The following SOX5 variants were observed in gnomAD, a reference collection of about 807,000 sequenced individuals.
SOX5 encodes the protein transcription factor SOX-5.
Under a neutral mutation model 92.0 loss-of-function variants are expected in SOX5, and 9 were observed. The ratio of observed to expected loss-of-function variants is 0.10; its 90% CI spans 0.06 to 0.17. SOX5 has a LOEUF of 0.17. SOX5 is among the 10% of genes least tolerant of loss of function. SOX5 has a pLI of 1.00. For missense variants in SOX5, 642 were observed against 944.5 expected (o/e 0.68, Z 4.20); for synonymous variants, 344 against 336.3 (o/e 1.02, Z -0.25).
chr12:23,844,277 G>A (rs954700356), intron 3 of SOX5, among the ~76,000 whole-genome samples: 2 of 152,162 alleles, frequency 1.3e-5, no homozygotes, highest in African/African-American at 2.4e-5. Context: ...TTCAAAATCC[G>A]AAGTATGGTT....
intron 3 of SOX5, among the ~76,000 whole-genome samples, chr12:23,808,050 G>A (rs2095812385): frequency 6.6e-6 from 1 of 151,932 alleles, no homozygotes; most frequent in South Asian, 2.1e-4. Context: ...TATCTCAATA[G>A]TTACCAGAAT....
chr12:23,814,959 A>G (rs143334551), intron 3 of SOX5, among the ~76,000 whole-genome samples: 2 of 152,318 alleles, frequency 1.3e-5, no homozygotes, highest in African/African-American at 4.8e-5. Context: ...ATTTTGAAAT[A>G]TCTTATTGCC....
intron 4 of SOX5, among the ~76,000 whole-genome samples, chr12:23,993,756 T>C (rs536627321): frequency 1.3e-5 from 2 of 152,206 alleles, no homozygotes; most frequent in South Asian, 2.1e-4. Context: ...GGCTGGAGTG[T>C]CTCACACCTG....
At chr12:24,416,076 T>G (rs1964966093) in intron 1 of SOX5, among the ~76,000 whole-genome samples, 1 of 152,168 alleles carries the variant, frequency 6.6e-6, no homozygotes, top group African/African-American at 2.4e-5. Context: ...AGTGAGACAG[T>G]GGGTGGTCTC....
chr12:24,038,160 A>G (rs1467603118), intron 4 of SOX5, among the ~76,000 whole-genome samples: 1 of 152,140 alleles, frequency 6.6e-6, no homozygotes, highest in Non-Finnish European at 1.5e-5. Flanking sequence ...ATAGAGATAA[A>G]AGAGTCCCAA....
chr12:24,003,432 C>T (rs1294394036), intron 4 of SOX5, among the ~76,000 whole-genome samples: 2 of 151,760 alleles, frequency 1.3e-5, no homozygotes, highest in African/African-American at 2.4e-5. Context: ...ACAAAAACTG[C>T]AAAGCTGATG....
At chr12:24,410,504 G>A (rs1963880489) in intron 1 of SOX5, among the ~76,000 whole-genome samples, 1 of 152,112 alleles carries the variant, frequency 6.6e-6, no homozygotes, top group African/African-American at 2.4e-5. Flanking sequence ...GTAGGTCAAG[G>A]GTTTTTTTGT....
At chr12:23,845,581 G>A (rs1195896305) in intron 3 of SOX5, among the ~76,000 whole-genome samples, 1 of 151,922 alleles carries the variant, frequency 6.6e-6, no homozygotes, top group Non-Finnish European at 1.5e-5. Context: ...CAAGAAACAG[G>A]ATAAGATGTA....
intron 3 of SOX5, among the ~76,000 whole-genome samples, chr12:23,840,318 C>T (rs1485555773): frequency 1.3e-5 from 2 of 152,068 alleles, no homozygotes; most frequent in African/African-American, 4.8e-5. Context: ...CTACAAAACT[C>T]ACCAGGAATC....
intron 3 of SOX5, among the ~76,000 whole-genome samples, chr12:24,235,845 C>T (rs913709332): frequency 3.9e-5 from 6 of 151,978 alleles, no homozygotes; most frequent in Non-Finnish European, 7.4e-5. Flanking sequence ...AGTCAGAAGT[C>T]GGGAATTTGT....
At chr12:24,155,085 T>C (rs1413325612) in intron 4 of SOX5, among the ~76,000 whole-genome samples, 1 of 152,066 alleles carries the variant, frequency 6.6e-6, no homozygotes, top group Non-Finnish European at 1.5e-5. Flanking sequence ...ACAGGCATCA[T>C]CGTACGCTAA....
At chr12:24,107,752 T>A (rs1289478278) in intron 4 of SOX5, among the ~76,000 whole-genome samples, 1 of 152,172 alleles carries the variant, frequency 6.6e-6, no homozygotes, top group Non-Finnish European at 1.5e-5. Flanking sequence ...AAACAATCAA[T>A]GTGTTGATGC....
chr12:23,669,954 T>TA (rs2084486910), intron 6 of SOX5, among the ~76,000 whole-genome samples: 1 of 152,044 alleles, frequency 6.6e-6, no homozygotes, highest in South Asian at 2.1e-4. Flanking sequence ...TTAATGAGAA[T>TA]GGCCTAGACA....
chr12:24,272,625 A>G (rs540665439), intron 3 of SOX5, among the ~76,000 whole-genome samples: 6 of 152,352 alleles, frequency 3.9e-5, no homozygotes, highest in African/African-American at 1.4e-4. Context: ...TGAAATGATC[A>G]TATGACTGTT....
intron 8 of SOX5, among the ~76,000 whole-genome samples, chr12:23,610,678 T>C (rs2075843020): frequency 6.6e-6 from 1 of 152,096 alleles, no homozygotes; most frequent in Admixed American, 6.6e-5. Flanking sequence ...GAAAGGCTCA[T>C]TAGTAATATA....
At chr12:23,640,715 G>A (rs2079941735) in intron 8 of SOX5, 97 bp downstream of exon 8, 11 of 807,910 alleles carry the variant, frequency 1.4e-5, no homozygotes, top group East Asian at 2.5e-5. Flanking sequence ...AGTGTGAGAC[G>A]AATATCACGA....
At chr12:23,674,830 T>C (rs556255613) in intron 6 of SOX5, among the ~76,000 whole-genome samples, 2 of 151,970 alleles carry the variant, frequency 1.3e-5, no homozygotes, top group South Asian at 4.1e-4. Context: ...ATATATATAC[T>C]ACTATATATT....
chr12:24,355,894 T>C (rs776337989), intron 2 of SOX5, among the ~76,000 whole-genome samples: 1 of 152,234 alleles, frequency 6.6e-6, no homozygotes, highest in Admixed American at 6.5e-5. Context: ...AAATTTAGAA[T>C]AGTTTAGTAC....
chr12:24,506,782 G>GTTTTTTTTTTTTTTT (rs1386116375), intron 1 of SOX5, among the ~76,000 whole-genome samples: 12 of 80,274 alleles, frequency 1.5e-4, no homozygotes, highest in African/African-American at 3.1e-4. Context: ...TATCCAAATG[G>GTTTTTTTTTTTTTTT]TCTTTTTTTT....
Sources: gnomAD v4.1 joint callset for allele counts (sites outside exome capture counted in the v4.1 genomes callset) on GRCh38, gnomAD v4.1.1 for gene constraint, MANE v1.5 for transcripts, NCBI Gene and HGNC (gene_info 2026-07-23, HGNC 2026-07-21) for gene names.